Variants in C12orf43 observed in about 807,000 individuals in gnomAD.
C12orf43 encodes the protein protein CUSTOS.
In C12orf43, 15 loss-of-function variants were observed where a neutral mutation model predicts 20.6. That is an observed-to-expected ratio of 0.73 (90% CI 0.49 to 1.12). The LOEUF (loss-of-function observed/expected upper bound fraction) is 1.12. Ranked by LOEUF, C12orf43 falls within the 50% of genes most tolerant of loss-of-function variation. C12orf43 has a pLI of 0.00. For missense variants in C12orf43, 334 were observed against 344.4 expected (o/e 0.97, Z 0.24); for synonymous variants, 144 against 130.8 (o/e 1.10, Z -0.69).
In C12orf43 at chr12:121,004,867, T is replaced by C. The variant is rs1169313; in HGVS notation, c.452+136A>G. On this transcript the variant is annotated intron_variant, in intron 5 of 5. Coordinates refer to ENST00000288757, the MANE Select transcript of C12orf43 (RefSeq NM_022895.3). This position sits in a 1 kb window ranked among gnomAD's most constrained non-coding sequence, Gnocchi z 5.6. ...AGGGCTTTCCCTCCCGCTGAGCTCA[T>C]GATTTCTCCAGCTGCCTGACAGGGC... 217,706 of 600,270 alleles carry C rather than the reference T, an allele frequency of 0.36. 42,156 individuals are homozygous for C. Among genetic ancestry groups the C allele is most frequent in the Middle Eastern group, 0.55 (1,144 of 2,074 alleles). The allele number at this position is 600,270 out of a possible 1,614,324, so 37.2% of individuals were successfully genotyped here.
At position 121,002,436 on chromosome 12, in the gene C12orf43, C is replaced by A. The variant is rs1329313026; in HGVS notation, c.*1717G>T. On this transcript the variant is annotated 3_prime_UTR_variant, in exon 6 of 6. Transcript: ENST00000288757. ...AAGGCCTGGGGTGACCCGGCACCCCCTGCAGCTTGTAGCCAGCCGGGGCGA... is the reference window on the plus strand; with the variant it reads ...AAGGCCTGGGGTGACCCGGCACCCCATGCAGCTTGTAGCCAGCCGGGGCGA... The A allele has an allele frequency of 1.9e-6, 1 of 531,678 alleles. No homozygotes were observed. Among genetic ancestry groups the A allele is most frequent in the Non-Finnish European group, 3.7e-6 (1 of 273,908 alleles). The allele number at this position is 531,678 out of a possible 1,614,324, so 32.9% of individuals were successfully genotyped here.
chr12:121,009,536 A>G (rs1230743465), intron 3 of C12orf43, among the ~76,000 whole-genome samples: 2 of 152,052 alleles, frequency 1.3e-5, no homozygotes, highest in African/African-American at 4.8e-5. Context: ...GGGAGGGTGG[A>G]GCCTTGATGA....
chr12:121,008,446 T>C (rs1878192132), intron 3 of C12orf43, among the ~76,000 whole-genome samples: 1 of 152,314 alleles, frequency 6.6e-6, no homozygotes, highest in Non-Finnish European at 1.5e-5. Context: ...AAGGTATCAT[T>C]TAGATTTCTT....
At chr12:121,015,089 A>T (rs1868780382) in intron 1 of C12orf43, among the ~76,000 whole-genome samples, 1 of 152,220 alleles carries the variant, frequency 6.6e-6, no homozygotes, top group Non-Finnish European at 1.5e-5. Context: ...GCATTATCTC[A>T]GTTACTTCTC....
rs768118387 is a variant in C12orf43, at chr12:121,005,088, G to A, written c.367C>T (p.Arg123Cys). 6.4e-6 allele frequency: 9 copies of A among 1,400,914 alleles called. No homozygotes were observed. Among genetic ancestry groups the A allele is most frequent in the Non-Finnish European group, 7.5e-6 (8 of 1,060,726 alleles). 86.8% of individuals were successfully genotyped at this position (1,400,914 alleles called of 1,614,324 possible). ...QKVALEDDGF[R>C]LFFTSVPGGR... ...CCAGGGACAGATGTGAAGAAAAGGC[G>A]GAAACCTAAGATTCAATGGGGCAGA... The change falls in exon 5 of 6, where the codon CGC becomes TGC. Residue 123 changes from arginine to cysteine, a missense_variant. By Grantham distance (180) the Arg-to-Cys change is radical (BLOSUM62 -3). Transcript: ENST00000288757. This position sits in a 1 kb window ranked among gnomAD's most constrained non-coding sequence, Gnocchi z 5.6.
At position 121,002,027 on chromosome 12, in the gene C12orf43, C is replaced by G; in HGVS notation, c.*2126G>C. 1.9e-6 allele frequency: 1 copy of G among 536,934 alleles called. No individual in the cohort carries two copies. Among genetic ancestry groups the G allele is most frequent in the Non-Finnish European group, 3.6e-6 (1 of 276,748 alleles). The allele number at this position is 536,934 out of a possible 1,614,324, so 33.3% of individuals were successfully genotyped here. A position where few individuals can be genotyped will look rare whatever the true frequency, so the allele number is the denominator to read the frequency against. ...GGAGCCTCGCAACCCGTGCCAAGTC[C>G]AGGTCCTGGTGGGGCAGCTCCTCTG... On this transcript the variant is annotated 3_prime_UTR_variant, in exon 6 of 6. Coordinates refer to ENST00000288757, the MANE Select transcript of C12orf43 (RefSeq NM_022895.3).
At position 121,016,460 on chromosome 12, in the gene C12orf43, A is replaced by C. The variant is rs751695712; in HGVS notation, c.15T>G (p.Ser5Arg). MAAP[S>R]GTVSDSESSN... ...TACTTTCCGAATCGCTCACTGTGCC[A>C]CTGGGCGCCGCCATCTTGAACCACC... The change falls in exon 1 of 6, where the codon AGT (serine) becomes AGG (arginine). Residue 5 changes from serine to arginine, a missense_variant. By Grantham distance (110) the Ser-to-Arg change is moderately radical. Coordinates refer to ENST00000288757, the MANE Select transcript of C12orf43 (RefSeq NM_022895.3). The C allele has an allele frequency of 7.4e-6, 12 of 1,613,954 alleles. No individual in the cohort carries two copies. The African/African-American group carries it at 1.6e-4, about 22-fold the overall frequency.
intron 1 of C12orf43, among the ~76,000 whole-genome samples, chr12:121,015,863 G>A (rs79269203): frequency 1.7e-3 from 258 of 152,300 alleles, no homozygotes; most frequent in African/African-American, 6.0e-3. Flanking sequence ...AAGAACCCTT[G>A]GGTTCTATCC....
At chr12:121,006,870 G>T (rs12309537) in intron 3 of C12orf43, 44,640 of 157,224 alleles carry the variant, frequency 0.28, 6,602 homozygotes, top group Non-Finnish European at 0.32. Flanking sequence ...CTGGGAGGCG[G>T]AGCTTGCAGT....
rs1310959969 is a variant in C12orf43 at position 121,008,876 on chromosome 12, G to A, written c.287+1952C>T. Among the ~76,000 whole-genome samples, 8 of 152,280 alleles carry A rather than the reference G, an allele frequency of 5.3e-5. No homozygotes were observed. In the East Asian group the frequency reaches 1.2e-3, roughly 22 times the overall value. ...ACCAGTGTATCCCCAGACCTGTTCCGCAGGTTGTTGACTGGTTTTCCATGA... is the reference window on the plus strand; with the variant it reads ...ACCAGTGTATCCCCAGACCTGTTCCACAGGTTGTTGACTGGTTTTCCATGA... On this transcript the variant is annotated intron_variant, in intron 3 of 5. Coordinates refer to ENST00000288757, the MANE Select transcript of C12orf43 (RefSeq NM_022895.3).
Position 121,005,630 on chromosome 12 carries a change from A to G in C12orf43, c.362-537T>C, listed in dbSNP as rs57946823. Among the ~76,000 whole-genome samples the G allele has an allele frequency of 1.5e-4, 23 of 152,352 alleles. No individual in the cohort carries two copies. The East Asian group carries it at 3.1e-3, about 20-fold the overall frequency. On this transcript the variant is annotated intron_variant, in intron 4 of 5. Transcript: ENST00000288757. This position sits in a 1 kb window ranked among gnomAD's most constrained non-coding sequence, Gnocchi z 5.6. ...TGGCAAATGTGTTGGTACAGGACAG[A>G]CGCAGATGGGCGAGGCTGTGGAGGG...
At position 121,012,809 on chromosome 12, in the gene C12orf43, G is replaced by A. The variant is rs139862784; in HGVS notation, c.146-1663C>T. Reference sequence around the variant, plus strand: ...GGAGGTTGCAGTGAGCCAAGATCACGCCACTGCACTCCAGCCTGGTGACAG... The same window carrying A: ...GGAGGTTGCAGTGAGCCAAGATCACACCACTGCACTCCAGCCTGGTGACAG... On this transcript the variant is annotated intron_variant, in intron 1 of 5. Coordinates refer to ENST00000288757, the MANE Select transcript of C12orf43 (RefSeq NM_022895.3). 1,224 of 173,622 alleles carry A rather than the reference G, an allele frequency of 7.0e-3. 23 individuals are homozygous for A. The highest frequency in any genetic ancestry group is 0.031 in the African/African-American group (1,121 of 36,344). The allele number at this position is 173,622 out of a possible 1,614,324, so 10.8% of individuals were successfully genotyped here.
chr12:121,016,133 G>C (rs781478181), intron 1 of C12orf43, 197 bp downstream of exon 1: 30 of 854,630 alleles, frequency 3.5e-5, no homozygotes, highest in Non-Finnish European at 4.9e-5. Flanking sequence ...GGGTACCTCA[G>C]CTTCCCCGAC....
Position 121,010,903 on chromosome 12 carries a change from T to C in C12orf43, c.212A>G (p.Gln71Arg). The C allele has an allele frequency of 6.2e-7, 1 of 1,614,178 alleles. No individual in the cohort carries two copies. The change falls in exon 3 of 6, where the codon CAA becomes CGA. Residue 71 changes from glutamine (Q) to arginine (R), a missense_variant. Coordinates refer to ENST00000288757, the MANE Select transcript of C12orf43 (RefSeq NM_022895.3). ...SLRHKVNEHE[Q>R]DGNELQTTPE... ...GGTGGTCTGAAGCTCGTTGCCATCT[T>C]GTTCATGCTCATTCACCTTATGCCT...
Position 121,015,647 on chromosome 12 carries a change from A to G in C12orf43, c.145+683T>C, listed in dbSNP as rs1868832045. On this transcript the variant is annotated intron_variant, in intron 1 of 5. Coordinates refer to ENST00000288757, the MANE Select transcript of C12orf43 (RefSeq NM_022895.3). ...TGAGTGTAAATGACTTTTTTCCCCAATATCTTTTTATCAATAAAATGATAT... is the reference window on the plus strand; with the variant it reads ...TGAGTGTAAATGACTTTTTTCCCCAGTATCTTTTTATCAATAAAATGATAT... Among the ~76,000 whole-genome samples the G allele has an allele frequency of 2.0e-5, 3 of 152,308 alleles. No homozygotes were observed. The South Asian group carries it at 6.2e-4, about 32-fold the overall frequency.
chr12:121,011,551 G>A (rs1490854615), intron 1 of C12orf43, among the ~76,000 whole-genome samples: 1 of 151,762 alleles, frequency 6.6e-6, no homozygotes, highest in Non-Finnish European at 1.5e-5. Flanking sequence ...ATAACTCAGT[G>A]AATCTTCCCA....
intron 4 of C12orf43, 88 bp downstream of exon 4, chr12:121,006,233 A>AT: frequency 8.3e-7 from 1 of 1,203,392 alleles, no homozygotes. Context: ...GAAAAAAAAA[A>AT]AAGAATATAC....
chr12:121,013,972 G>A (rs1490276823), intron 1 of C12orf43, among the ~76,000 whole-genome samples: 1 of 152,164 alleles, frequency 6.6e-6, no homozygotes, highest in Non-Finnish European at 1.5e-5. Flanking sequence ...AATACAAAGT[G>A]TTTAGAACAG....
rs1262665650 is a variant in C12orf43 at position 121,016,161 on chromosome 12, C to T, written c.145+169G>A. On this transcript the variant is annotated intron_variant, in intron 1 of 5. Transcript: ENST00000288757. The stretch of plus-strand genomic sequence containing the variant: ...TCCCCGACTGGAATAATGAAATACC[C>T]TCCCTACTGCACCTGCCCATGCTTT... 7.0e-6 allele frequency: 7 copies of T among 1,006,492 alleles called. No homozygotes were observed. The Admixed American group carries it at 1.2e-4, about 17-fold the overall frequency. 62.3% of individuals were successfully genotyped at this position (1,006,492 alleles called of 1,614,324 possible).
Sources: allele counts gnomAD v4.1 joint callset (sites outside exome capture counted in the v4.1 genomes callset), GRCh38; gene constraint gnomAD v4.1.1; non-coding constraint Gnocchi (gnomAD v3.1); transcripts MANE v1.5; gene names NCBI Gene and HGNC (gene_info 2026-07-23, HGNC 2026-07-21).